The following MDGA2 variants were observed in gnomAD, a reference collection of about 807,000 sequenced individuals.
MDGA2 encodes MAM domain containing glycosylphosphatidylinositol anchor 2.
Under a neutral mutation model 117.8 loss-of-function variants are expected in MDGA2, and 40 were observed. That is an observed-to-expected ratio of 0.34 (90% confidence interval 0.26 to 0.44). The LOEUF is 0.44. Among genes scored for constraint, MDGA2 ranks in the 20% least tolerant of loss-of-function variants. The probability of loss-of-function intolerance (pLI) is 1.00; values close to 1 mark genes in which losing one functional copy is unlikely to be tolerated. For synonymous variants in MDGA2, 452 were observed against 439.0 expected (o/e 1.03, Z -0.37); for missense variants, 1,123 against 1,250.6 (o/e 0.90, Z 1.54).
intron 1 of MDGA2, among the ~76,000 whole-genome samples, chr14:47,497,181 AT>A (rs1894299317): frequency 6.6e-6 from 1 of 152,142 alleles, no homozygotes; most frequent in Middle Eastern, 3.2e-3. Context: ...TCCACAGGTT[AT>A]TTATGTTCAT....
intron 1 of MDGA2, among the ~76,000 whole-genome samples, chr14:47,413,413 G>T (rs1398532597): frequency 2.0e-5 from 3 of 152,110 alleles, no homozygotes. Context: ...TAAGGGGAAG[G>T]GCAGTGGGAA....
chr14:47,598,320 C>A (rs1334080853), intron 1 of MDGA2, among the ~76,000 whole-genome samples: 1 of 152,154 alleles, frequency 6.6e-6, no homozygotes, highest in Non-Finnish European at 1.5e-5. Flanking sequence ...ATTCTACTCC[C>A]AGGTACATAT....
intron 10 of MDGA2, among the ~76,000 whole-genome samples, chr14:46,894,444 A>G (rs963657883): frequency 2.0e-5 from 3 of 152,058 alleles, no homozygotes; most frequent in Admixed American, 6.5e-5. Context: ...GGGAAGGCCT[A>G]ATTATGTTGA....
At chr14:47,394,255 A>G (rs1047240205) in intron 1 of MDGA2, among the ~76,000 whole-genome samples, 2 of 152,288 alleles carry the variant, frequency 1.3e-5, no homozygotes, top group African/African-American at 4.8e-5. Context: ...TAAAAAAATA[A>G]AAGAACTAAG....
intron 1 of MDGA2, among the ~76,000 whole-genome samples, chr14:47,308,629 T>C (rs1237043007): frequency 6.6e-6 from 1 of 150,976 alleles, no homozygotes. Flanking sequence ...CATTTAAATA[T>C]GCTACAGCAT....
intron 8 of MDGA2, among the ~76,000 whole-genome samples, chr14:46,957,863 C>G (rs1267744685): frequency 6.6e-6 from 1 of 152,144 alleles, no homozygotes; most frequent in East Asian, 1.9e-4. Context: ...TTTACAAATG[C>G]ATTTGCAGGT....
At chr14:47,106,398 G>A (rs1880677513) in intron 5 of MDGA2, among the ~76,000 whole-genome samples, 2 of 151,958 alleles carry the variant, frequency 1.3e-5, no homozygotes, top group African/African-American at 4.8e-5. Context: ...ACTTCCAAAG[G>A]CCTGAACCGC....
intron 1 of MDGA2, among the ~76,000 whole-genome samples, chr14:47,634,373 C>T (rs896969999): frequency 6.6e-6 from 1 of 151,908 alleles, no homozygotes; most frequent in African/African-American, 2.4e-5. Context: ...ATAATCATAT[C>T]AAGAAGTAGA....
chr14:47,013,246 A>C (rs915014300), intron 8 of MDGA2, among the ~76,000 whole-genome samples: 5 of 152,176 alleles, frequency 3.3e-5, no homozygotes, highest in Non-Finnish European at 7.3e-5. Flanking sequence ...CGAAGTTTGT[A>C]ATATTGTAAA....
Position 47,235,499 on chromosome 14 carries a change from G to A in MDGA2, c.421-17304C>T, listed in dbSNP as rs141632862. On this transcript the variant is annotated intron_variant, in intron 2 of 16. Coordinates refer to ENST00000399232, the MANE Select transcript of MDGA2 (RefSeq NM_001113498.3). ...GTTCCTCACAATCTTTGCTAAATGC[G>A]TAGATTAATAACAGTTATCTTAGTC... Among the ~76,000 whole-genome samples, 158 of 152,272 alleles carry A rather than the reference G, an allele frequency of 1.0e-3. 1 individual carries two copies. In the East Asian group the frequency reaches 0.026, roughly 25 times the overall value.
intron 9 of MDGA2, among the ~76,000 whole-genome samples, chr14:46,939,449 T>C (rs945783199): frequency 1.3e-5 from 2 of 152,176 alleles, no homozygotes; most frequent in East Asian, 1.9e-4. Context: ...CACTGAGATC[T>C]TTCTATTCAT....
intron 8 of MDGA2, among the ~76,000 whole-genome samples, chr14:46,979,392 G>C (rs557288315): frequency 1.3e-5 from 2 of 152,194 alleles, no homozygotes; most frequent in South Asian, 2.1e-4. Flanking sequence ...TCACATGAAA[G>C]GAAGAGTTAC....
In MDGA2 at chr14:47,077,088, A is replaced by T. The variant is rs17650032; in HGVS notation, c.1196-15510T>A. Among the ~76,000 whole-genome samples the T allele has an allele frequency of 9.0e-3, 1,376 of 152,156 alleles. 14 individuals are homozygous for T. Among genetic ancestry groups the T allele is most frequent in the Middle Eastern group, 0.031 (9 of 294 alleles). On this transcript the variant is annotated intron_variant, in intron 6 of 16. Coordinates refer to ENST00000399232, the MANE Select transcript of MDGA2 (RefSeq NM_001113498.3). ...ATTGAAAACAGCACTCTAAGACCAC[A>T]ACTTTAAACATTAAGCATTTTCAGG...
intron 2 of MDGA2, among the ~76,000 whole-genome samples, chr14:47,286,001 T>C (rs181392955): frequency 8.7e-4 from 132 of 152,110 alleles, no homozygotes; most frequent in Middle Eastern, 3.4e-3. Context: ...CGTGTGAAGC[T>C]TTTATGTTTA....
intron 2 of MDGA2, among the ~76,000 whole-genome samples, chr14:47,236,522 TAAAACAAAACA>T (rs766619172): frequency 2.6e-5 from 4 of 152,082 alleles, no homozygotes; most frequent in Non-Finnish European, 5.9e-5. Context: ...AATGACCTTT[TAAAACAAAACA>T]AAAACAAAAA....
intron 14 of MDGA2, among the ~76,000 whole-genome samples, chr14:46,859,028 A>G (rs1308979471): frequency 1.3e-5 from 2 of 152,180 alleles, no homozygotes; most frequent in Non-Finnish European, 2.9e-5. Flanking sequence ...GTGAAAAGCC[A>G]AAATTGTTGC....
At chr14:46,865,141 A>C (rs1881697071) in intron 14 of MDGA2, among the ~76,000 whole-genome samples, 1 of 152,144 alleles carries the variant, frequency 6.6e-6, no homozygotes, top group Non-Finnish European at 1.5e-5. Context: ...AATGAGAATA[A>C]AAATCAAACT....
chr14:47,256,349 G>A (rs917794367), intron 2 of MDGA2, among the ~76,000 whole-genome samples: 8 of 151,924 alleles, frequency 5.3e-5, no homozygotes, highest in African/African-American at 9.7e-5. Context: ...ATGTCTTTCC[G>A]TCACTTTCCT....
At chr14:47,060,022 T>C (rs1450943921) in intron 7 of MDGA2, among the ~76,000 whole-genome samples, 1 of 152,074 alleles carries the variant, frequency 6.6e-6, no homozygotes, top group Non-Finnish European at 1.5e-5. Context: ...GTATCAACAG[T>C]TTTCCCTCAG....
Sources: gnomAD v4.1 joint callset for allele counts (sites outside exome capture counted in the v4.1 genomes callset) on GRCh38, gnomAD v4.1.1 for gene constraint, MANE v1.5 for transcripts, NCBI Gene and HGNC (gene_info 2026-07-23, HGNC 2026-07-21) for gene names.